The following AKT3 variants were observed in gnomAD, a reference collection of about 807,000 sequenced individuals.
AKT3 encodes the protein RAC-gamma serine/threonine-protein kinase.
A neutral mutation model predicts 65.3 loss-of-function variants in AKT3; 15 were observed. That is an observed-to-expected ratio of 0.23 (90% CI 0.15 to 0.35). The LOEUF is 0.35. AKT3 is among the 10% of genes least tolerant of loss of function. The pLI, the probability that AKT3 is intolerant of heterozygous loss-of-function variation, is 1.00. For missense variants in AKT3, 243 were observed against 576.5 expected (o/e 0.42, Z 5.92); for synonymous variants, 206 against 183.8 (o/e 1.12, Z -0.98).
intron 9 of AKT3, among the ~76,000 whole-genome samples, chr1:243,567,208 G>A (rs149884700): frequency 4.1e-3 from 620 of 152,266 alleles, no homozygotes; most frequent in Middle Eastern, 6.8e-3. Flanking sequence ...TTGAGCCCGA[G>A]GTGTGTGGGG....
rs555997351 is a variant in AKT3, at chr1:243,750,024, TCTC to T, written c.47-54311_47-54309del. On this transcript the variant is annotated intron_variant, in intron 2 of 13. Transcript: ENST00000673466. Reference sequence around the variant, plus strand: ...CCTCATAACTCCTTCTCTGCTTTCTTCTCCTTCTCATATAGGCTAAATGCAATA... The same window carrying T: ...CCTCATAACTCCTTCTCTGCTTTCTTCTTCTCATATAGGCTAAATGCAATA... Among the ~76,000 whole-genome samples, 15 of 152,310 alleles carry T rather than the reference TCTC, an allele frequency of 9.8e-5. No homozygotes were observed. In the South Asian group the frequency reaches 2.3e-3, roughly 23 times the overall value.
At chr1:243,529,010 T>C (rs558459080) in intron 12 of AKT3, among the ~76,000 whole-genome samples, 1 of 152,322 alleles carries the variant, frequency 6.6e-6, no homozygotes, top group East Asian at 1.9e-4. Flanking sequence ...TGGTGTGAGA[T>C]GGTATCTCAC....
rs115497865 is a variant in AKT3 at position 243,718,408 on chromosome 1, A to T, written c.47-22692T>A. 5.2e-3 allele frequency among the ~76,000 whole-genome samples: 792 copies of T among 151,784 alleles called. 9 individuals carry two copies. The highest frequency in any genetic ancestry group is 0.018 in the African/African-American group (737 of 41,314). On this transcript the variant is annotated intron_variant, in intron 2 of 13. Transcript: ENST00000673466. ...AAATCTTCACTTTAAAGTTTTTTTT[A>T]AAAAAAAGCTATCTAAAGCCACAAA...
intron 2 of AKT3, among the ~76,000 whole-genome samples, chr1:243,817,554 A>G (rs1401191713): frequency 6.6e-6 from 1 of 152,150 alleles, no homozygotes; most frequent in Non-Finnish European, 1.5e-5. Flanking sequence ...CAGCCTGGCC[A>G]ACATGGTGAA....
intron 9 of AKT3, among the ~76,000 whole-genome samples, chr1:243,572,525 A>C (rs554054955): frequency 6.6e-6 from 1 of 152,354 alleles, no homozygotes; most frequent in East Asian, 1.9e-4. Context: ...AAAATGCTTC[A>C]GGTATTTAAA....
At chr1:243,758,019 T>C (rs1253451145) in intron 2 of AKT3, among the ~76,000 whole-genome samples, 1 of 152,178 alleles carries the variant, frequency 6.6e-6, no homozygotes, top group Non-Finnish European at 1.5e-5. Flanking sequence ...CGCCTCGGCC[T>C]CCCAAAGTGC....
chr1:243,488,941 A>C, intron 13 of AKT3: 1 of 1,608,166 alleles, frequency 6.2e-7, no homozygotes, highest in Non-Finnish European at 8.5e-7. Context: ...CTTCCCTCAG[A>C]TACACACAGC....
Position 243,500,994 on chromosome 1 carries a change from G to T in AKT3, c.*4255C>A. The stretch of plus-strand genomic sequence containing the variant: ...ATATTCTAAAAATAGCACCTTTAAA[G>T]AATTATAGAGGTCACTTTTTTTTAG... On this transcript the variant is annotated 3_prime_UTR_variant, in exon 14 of 14. Transcript: ENST00000673466. 1 of 228,444 alleles carries T rather than the reference G, an allele frequency of 4.4e-6. No individual in the cohort carries two copies. Among genetic ancestry groups the T allele is most frequent in the East Asian group, 6.3e-5 (1 of 15,868 alleles). The allele number at this position is 228,444 out of a possible 1,614,324, so 14.2% of individuals were successfully genotyped here.
intron 8 of AKT3, among the ~76,000 whole-genome samples, chr1:243,589,860 A>G (rs1676104440): frequency 6.6e-6 from 1 of 152,242 alleles, no homozygotes; most frequent in African/African-American, 2.4e-5. Context: ...ATCTATCAGC[A>G]GATAAATGGA....
intron 12 of AKT3, among the ~76,000 whole-genome samples, chr1:243,527,835 C>G (rs974282192): frequency 1.4e-5 from 2 of 142,932 alleles, no homozygotes; most frequent in African/African-American, 5.8e-5. Flanking sequence ...CACTGCACTC[C>G]AACCTGGGCA....
intron 8 of AKT3, among the ~76,000 whole-genome samples, chr1:243,592,778 T>C (rs1676325359): frequency 6.6e-6 from 1 of 152,130 alleles, no homozygotes; most frequent in Admixed American, 6.6e-5. Flanking sequence ...ATATTGGAAA[T>C]AGTAACTGTG....
Position 243,541,893 on chromosome 1 carries a change from C to T in AKT3, c.1251+3617G>A, listed in dbSNP as rs1672345954. Among the ~76,000 whole-genome samples the T allele has an allele frequency of 2.0e-5, 3 of 152,164 alleles. No homozygotes were observed. In the South Asian group the frequency reaches 6.2e-4, roughly 32 times the overall value. On this transcript the variant is annotated intron_variant, in intron 12 of 13. Coordinates refer to ENST00000673466, the MANE Select transcript of AKT3 (RefSeq NM_005465.7). ...AAAAAACCAACTGTATTTCTATATACTGGCAGTAAAACAAAGTGAAAATGA... is the reference window on the plus strand; with the variant it reads ...AAAAAACCAACTGTATTTCTATATATTGGCAGTAAAACAAAGTGAAAATGA...
chr1:243,615,014 A>G, intron 7 of AKT3, 82 bp downstream of exon 7: 1 of 1,027,544 alleles, frequency 9.7e-7, no homozygotes, highest in Non-Finnish European at 1.5e-6. Context: ...AATGAATAGT[A>G]TTTTTCACAA....
chr1:243,735,312 T>C, intron 2 of AKT3, among the ~76,000 whole-genome samples: 1 of 152,230 alleles, frequency 6.6e-6, no homozygotes, highest in East Asian at 1.9e-4. Context: ...AAAAACGTAA[T>C]GCATTGTGCT....
chr1:243,742,232 A>T (rs2148180307), intron 2 of AKT3, among the ~76,000 whole-genome samples: 1 of 152,298 alleles, frequency 6.6e-6, no homozygotes, highest in South Asian at 2.1e-4. Flanking sequence ...TGCCTCTCTG[A>T]TAGTTACCAC....
At chr1:243,618,621 C>T (rs779042282) in intron 6 of AKT3, among the ~76,000 whole-genome samples, 1 of 151,924 alleles carries the variant, frequency 6.6e-6, no homozygotes, top group Non-Finnish European at 1.5e-5. Context: ...TTTTGAAATA[C>T]AAATTTACAT....
chr1:243,844,547 T>C (rs1328545727), intron 1 of AKT3, among the ~76,000 whole-genome samples: 1 of 152,136 alleles, frequency 6.6e-6, no homozygotes, highest in East Asian at 1.9e-4. Context: ...GGCACAATCA[T>C]AGCTCACTGC....
At chr1:243,843,889 A>G (rs1336657547) in intron 1 of AKT3, among the ~76,000 whole-genome samples, 1 of 151,988 alleles carries the variant, frequency 6.6e-6, no homozygotes, top group Non-Finnish European at 1.5e-5. Context: ...TGACCTCATG[A>G]TCCACCCGCC....
chr1:243,633,491 C>A (rs1679755647), intron 6 of AKT3, among the ~76,000 whole-genome samples: 1 of 151,854 alleles, frequency 6.6e-6, no homozygotes, highest in Admixed American at 6.6e-5. Flanking sequence ...TTAAAGACAC[C>A]AACAATTGAA....
Sources: allele counts gnomAD v4.1 joint callset (sites outside exome capture counted in the v4.1 genomes callset), GRCh38; gene constraint gnomAD v4.1.1; transcripts MANE v1.5; gene names NCBI Gene and HGNC (gene_info 2026-07-23, HGNC 2026-07-21).